Variants in LTBP2 observed in about 807,000 individuals in gnomAD.
The protein encoded by LTBP2 is latent-transforming growth factor beta-binding protein 2.
In LTBP2, 103 loss-of-function variants were observed where a neutral mutation model predicts 210.6. The observed-to-expected ratio is 0.49, with a 90% CI of 0.42 to 0.58. The LOEUF (loss-of-function observed/expected upper bound fraction) is 0.58. LTBP2 is among the 20% of genes least tolerant of loss of function. The pLI, the probability that LTBP2 is intolerant of heterozygous loss-of-function variation, is 0.00. For synonymous variants in LTBP2, 1,007 were observed against 1,015.0 expected, an observed-to-expected ratio of 0.99 and a Z score of 0.15; for missense variants, 2,313 against 2,494.5, an observed-to-expected ratio of 0.93 and a Z score of 1.55.
chr14:74,580,090 A>T (rs1235245781), intron 3 of LTBP2, among the ~76,000 whole-genome samples: 1 of 152,132 alleles, frequency 6.6e-6, no homozygotes, highest in Non-Finnish European at 1.5e-5. Context: ...TAAATAGGTA[A>T]AATACCTAAG....
chr14:74,575,718 C>A (rs1223293732), intron 3 of LTBP2, among the ~76,000 whole-genome samples: 1 of 152,222 alleles, frequency 6.6e-6, no homozygotes, highest in African/African-American at 2.4e-5. Flanking sequence ...ATTTCTAGAA[C>A]CTACCCTCTG....
At position 74,498,476 on chromosome 14, in the gene LTBP2, C is replaced by G. The variant is rs533581873; in HGVS notation, c.*2408G>C. On this transcript the variant is annotated 3_prime_UTR_variant, in exon 36 of 36. Transcript: ENST00000261978. Reference sequence around the variant, plus strand: ...TTAAATAAATTATGGTTTATCCATTCAATGGAATAGTATACAGCTGTAAAA... The same window carrying G: ...TTAAATAAATTATGGTTTATCCATTGAATGGAATAGTATACAGCTGTAAAA... 1.5e-4 allele frequency: 32 copies of G among 217,290 alleles called. No homozygotes were observed. Among genetic ancestry groups the G allele is most frequent in the African/African-American group, 6.7e-4 (30 of 44,504 alleles). 13.5% of individuals were successfully genotyped at this position (217,290 alleles called of 1,614,324 possible). A position where few individuals can be genotyped will look rare whatever the true frequency, so the allele number is the denominator to read the frequency against.
chr14:74,593,905 T>C (rs939393638), intron 2 of LTBP2, among the ~76,000 whole-genome samples: 1 of 152,190 alleles, frequency 6.6e-6, no homozygotes, highest in African/African-American at 2.4e-5. Flanking sequence ...ATCTAGCTTA[T>C]AGGGCTGTTG....
chr14:74,562,336 G>C (rs929507831), intron 3 of LTBP2, among the ~76,000 whole-genome samples: 1 of 152,148 alleles, frequency 6.6e-6, no homozygotes, highest in Non-Finnish European at 1.5e-5. Flanking sequence ...GAGGGGAGAG[G>C]GGGGAAGGGA....
intron 3 of LTBP2, among the ~76,000 whole-genome samples, chr14:74,581,674 A>G (rs1210129359): frequency 1.3e-5 from 2 of 152,136 alleles, no homozygotes; most frequent in Non-Finnish European, 2.9e-5. Flanking sequence ...GCCCCCCTAG[A>G]GCCCCAGGAG....
rs2087652820 is a variant in LTBP2, at chr14:74,551,291, G to T, written c.1459C>A (p.Gln487Lys). The part of the protein sequence containing the change: ...HIHHPPEASV[Q>K]IHQVAQVRGG... ...CGCACCTGGGCCACCTGGTGGATCT[G>T]CACTGAGGCCTCGGGTGGGTGGTGA... Residue 487 changes from glutamine to lysine, a missense_variant, in exon 7 of 36, where the codon CAG becomes AAG. By Grantham distance (53) the Gln-to-Lys change is moderately conservative. This residue lies in a region of LTBP2 where 1,867 missense variants were observed against 1,976.9 expected (regional missense o/e 0.94). Transcript: ENST00000261978. The T allele has an allele frequency of 6.2e-7, 1 of 1,603,190 alleles. No homozygotes were observed. The highest frequency in any genetic ancestry group is 8.5e-7 in the Non-Finnish European group (1 of 1,173,650).
At position 74,583,222 on chromosome 14, in the gene LTBP2, C is replaced by T. The variant is rs545536786; in HGVS notation, c.830+2632G>A. Among the ~76,000 whole-genome samples the T allele has an allele frequency of 4.6e-5, 7 of 152,322 alleles. No individual in the cohort carries two copies. In the South Asian group the frequency reaches 1.5e-3, roughly 32 times the overall value. ...TCACCAATCCCTGCAGTGTTCCCCT[C>T]CCCAGACATTTCCCTCCCCAACTCC... On this transcript the variant is annotated intron_variant, in intron 3 of 35. Transcript: ENST00000261978.
chr14:74,578,876 A>G (rs2088098012), intron 3 of LTBP2, among the ~76,000 whole-genome samples: 2 of 152,102 alleles, frequency 1.3e-5, no homozygotes, highest in African/African-American at 4.8e-5. Context: ...TGTTTTCGAG[A>G]CAGAGTTTTG....
At chr14:74,550,801 A>G (rs1175716694) in intron 7 of LTBP2, among the ~76,000 whole-genome samples, 2 of 152,226 alleles carry the variant, frequency 1.3e-5, no homozygotes, top group Admixed American at 1.3e-4. Context: ...GATGCTGGTG[A>G]CAGCTCCTCC....
In LTBP2 at chr14:74,522,057, G is replaced by A. The variant is rs746187333; in HGVS notation, c.2660-18C>T. On this transcript the variant is annotated intron_variant, in intron 16 of 35. Coordinates refer to ENST00000261978, the MANE Select transcript of LTBP2 (RefSeq NM_000428.3). ...GTTGTCATCTGACCAGAAGAAGGCA[G>A]GGAGGGAGGTCAGGGGGGCCAGCGG... 2 of 1,609,130 alleles carry A rather than the reference G, an allele frequency of 1.2e-6. No individual in the cohort carries two copies. Among genetic ancestry groups the A allele is most frequent in the Non-Finnish European group, 8.5e-7 (1 of 1,177,716 alleles).
chr14:74,561,592 A>C (rs2087795110), intron 3 of LTBP2, among the ~76,000 whole-genome samples: 1 of 152,158 alleles, frequency 6.6e-6, no homozygotes, highest in Non-Finnish European at 1.5e-5. Context: ...TGTACCTCCT[A>C]TTTTAAACTT....
chr14:74,515,223 C>T (rs1392301362), intron 18 of LTBP2, among the ~76,000 whole-genome samples: 1 of 151,460 alleles, frequency 6.6e-6, no homozygotes, highest in Non-Finnish European at 1.5e-5. Context: ...AGCCTGTGCC[C>T]TTCACACAGA....
At position 74,525,163 on chromosome 14, in the gene LTBP2, T is replaced by C. The variant is rs181315733; in HGVS notation, c.2491A>G (p.Thr831Ala). The stretch of plus-strand genomic sequence containing the variant: ...GTCACCAGCACATCAGTGGAGGGGG[T>C]CACTTGTTCTTCCTGTATCTCTGCA... ...GIAEIQEEQV[T>A]PSTDVLVTLS... is the part of the protein sequence containing the mutation. The change falls in exon 15 of 36, where the codon ACC becomes GCC. Residue 831 changes from threonine (T) to alanine (A), a missense_variant. This residue lies in a region of LTBP2 where 1,867 missense variants were observed against 1,976.9 expected (regional missense o/e 0.94). Transcript: ENST00000261978. 2 of 1,330,906 alleles carry C rather than the reference T, an allele frequency of 1.5e-6. No individual in the cohort carries two copies. The highest frequency in any genetic ancestry group is 3.0e-5 in the Admixed American group (1 of 33,532). The allele number at this position is 1,330,906 out of a possible 1,614,324, so 82.4% of individuals were successfully genotyped here.
At chr14:74,546,057 G>T in intron 8 of LTBP2, among the ~76,000 whole-genome samples, 1 of 152,210 alleles carries the variant, frequency 6.6e-6, no homozygotes, top group East Asian at 1.9e-4. Context: ...GTCCAGCACA[G>T]AGCCTCAAAG....
intron 8 of LTBP2, among the ~76,000 whole-genome samples, chr14:74,542,027 C>A (rs766706283): frequency 1.3e-5 from 2 of 152,182 alleles, no homozygotes; most frequent in African/African-American, 2.4e-5. Context: ...TTCAAGGAGG[C>A]CTTGCAGGGC....
At chr14:74,604,047 C>G (rs1373720545) in intron 1 of LTBP2, among the ~76,000 whole-genome samples, 7 of 151,540 alleles carry the variant, frequency 4.6e-5, no homozygotes, top group Non-Finnish European at 1.0e-4. Flanking sequence ...GCTAATAAGC[C>G]ACTTCAGAGA....
At position 74,509,345 on chromosome 14, in the gene LTBP2, A is replaced by T. The variant is rs770247638; in HGVS notation, c.3296T>A (p.Phe1099Tyr). ...TACEDLDECA[F>Y]PGVCPSGVCT... ...GACTCCGGAGGGGCAGACTCCCGGGAAGGCACACTCATCTAGGTCTGCAGA... is the reference window on the plus strand; with the variant it reads ...GACTCCGGAGGGGCAGACTCCCGGGTAGGCACACTCATCTAGGTCTGCAGA... Residue 1099 changes from phenylalanine to tyrosine, a missense_variant, in exon 22 of 36, where the codon TTC (phenylalanine) becomes TAC (tyrosine). Phe to Tyr is a conservative substitution (Grantham distance 22). This residue lies in a region of LTBP2 where 1,867 missense variants were observed against 1,976.9 expected (regional missense o/e 0.94). Transcript: ENST00000261978. 6.2e-7 allele frequency: 1 copy of T among 1,613,176 alleles called. No individual in the cohort carries two copies.
At chr14:74,528,012 G>A (rs965975548) in intron 12 of LTBP2, among the ~76,000 whole-genome samples, 1 of 152,212 alleles carries the variant, frequency 6.6e-6, no homozygotes, top group African/African-American at 2.4e-5. Flanking sequence ...TGCAAGGAGA[G>A]CCTCATACCC....
chr14:74,540,823 TTTATATA>T (rs1566629923), intron 8 of LTBP2, among the ~76,000 whole-genome samples: 2 of 7,994 alleles, frequency 2.5e-4, no homozygotes, highest in South Asian at 6.8e-3. Context: ...TATATATATT[TTTATATA>T]ATATATATTT....
Sources: gnomAD v4.1 joint callset for allele counts (sites outside exome capture counted in the v4.1 genomes callset) on GRCh38, gnomAD v4.1.1 for gene constraint, gnomAD v4.1.1 regional missense constraint, MANE v1.5 for transcripts, NCBI Gene and HGNC (gene_info 2026-07-23, HGNC 2026-07-21) for gene names.